CNNM2: variants seen among roughly 807,000 people sequenced by gnomAD.
CNNM2 encodes cyclin and CBS domain divalent metal cation transport mediator 2.
Under a neutral mutation model 66.9 loss-of-function variants are expected in CNNM2, and 12 were observed. That is an observed-to-expected ratio of 0.18 (90% confidence interval 0.11 to 0.29). The LOEUF (loss-of-function observed/expected upper bound fraction) is 0.29, where lower values mean the gene tolerates loss of function less well. CNNM2 is among the 10% of genes least tolerant of loss of function. CNNM2 has a pLI of 1.00. For synonymous variants in CNNM2, 557 were observed against 501.8 expected (o/e 1.11, Z -1.47); for missense variants, 705 against 1,167.7 (o/e 0.60, Z 5.77).
intron 1 of CNNM2, among the ~76,000 whole-genome samples, chr10:103,026,601 C>CAAA (rs887780071): frequency 1.3e-3 from 87 of 64,854 alleles, no homozygotes; most frequent in East Asian, 5.1e-3. Flanking sequence ...ACCTTGTCTT[C>CAAA]AAAAAAAAAA....
At chr10:102,965,023 G>A (rs375001502) in intron 1 of CNNM2, among the ~76,000 whole-genome samples, 3 of 152,178 alleles carry the variant, frequency 2.0e-5, no homozygotes, top group Admixed American at 1.3e-4. Flanking sequence ...AGGATGCAAG[G>A]CGCCATCTTG....
intron 1 of CNNM2, among the ~76,000 whole-genome samples, chr10:103,048,540 C>G (rs183661148): frequency 2.0e-5 from 3 of 148,346 alleles, no homozygotes; most frequent in Admixed American, 2.0e-4. Context: ...CTGTTGAAAG[C>G]TCAAATTTTA....
intron 1 of CNNM2, among the ~76,000 whole-genome samples, chr10:103,022,568 G>A (rs1204570129): frequency 2.0e-5 from 3 of 152,148 alleles, no homozygotes; most frequent in South Asian, 2.1e-4. Flanking sequence ...TTACACCATG[G>A]AAATTGCCAA....
chr10:103,087,081 G>C lies in CNNM2; in HGVS notation c.*9901G>C, dbSNP rs1400064003. On this transcript the variant is annotated 3_prime_UTR_variant, in exon 8 of 8. Transcript: ENST00000369878. ...GCCTATAGTGTTTTCAAAATGCCTG[G>C]GAAAAAATTCTCAAAAGAAGTGGCA... 6.9e-6 allele frequency: 1 copy of C among 145,464 alleles called. No homozygotes were observed. The highest frequency in any genetic ancestry group is 1.5e-5 in the Non-Finnish European group (1 of 66,688). 9.0% of individuals were successfully genotyped at this position (145,464 alleles called of 1,614,324 possible).
Position 102,937,752 on chromosome 10 carries a change from T to G in CNNM2, c.1621+17651T>G, listed in dbSNP as rs368585355. ...CTCAGACAGATAAACAGATGTGATT[T>G]TCTTTCGTTCTTTTTCTGGATGTAT... On this transcript the variant is annotated intron_variant, in intron 1 of 7. Coordinates refer to ENST00000369878, the MANE Select transcript of CNNM2 (RefSeq NM_017649.5). Among the ~76,000 whole-genome samples, 4 of 151,858 alleles carry G rather than the reference T, an allele frequency of 2.6e-5. No individual in the cohort carries two copies. The East Asian group carries it at 7.8e-4, about 30-fold the overall frequency.
chr10:102,944,582 G>A (rs1027747631), intron 1 of CNNM2, among the ~76,000 whole-genome samples: 12 of 2,874 alleles, frequency 4.2e-3, no homozygotes, highest in African/African-American at 9.0e-3. Flanking sequence ...GTATCTTTTC[G>A]TGTGTGTGTG....
At chr10:102,950,399 G>A (rs1190972344) in intron 1 of CNNM2, among the ~76,000 whole-genome samples, 1 of 152,096 alleles carries the variant, frequency 6.6e-6, no homozygotes, top group Non-Finnish European at 1.5e-5. Context: ...TTTCAACTGT[G>A]CATGTATTTT....
chr10:102,970,018 A>G (rs1590328260), intron 1 of CNNM2, among the ~76,000 whole-genome samples: 1 of 151,760 alleles, frequency 6.6e-6, no homozygotes, highest in Non-Finnish European at 1.5e-5. Context: ...TTTATTAGAG[A>G]CTCTTTGCTT....
intron 1 of CNNM2, among the ~76,000 whole-genome samples, chr10:102,970,899 T>TA (rs1297803234): frequency 6.6e-6 from 1 of 152,044 alleles, no homozygotes; most frequent in African/African-American, 2.4e-5. Flanking sequence ...TAGTTAAAGT[T>TA]AGTCTCTGGG....
intron 1 of CNNM2, among the ~76,000 whole-genome samples, chr10:103,004,890 T>G (rs2064195959): frequency 6.6e-6 from 1 of 152,242 alleles, no homozygotes; most frequent in African/African-American, 2.4e-5. Flanking sequence ...TTGGATTGTA[T>G]TGAATCTGTA....
At chr10:102,940,758 G>A (rs928954473) in intron 1 of CNNM2, among the ~76,000 whole-genome samples, 1 of 151,904 alleles carries the variant, frequency 6.6e-6, no homozygotes, top group Non-Finnish European at 1.5e-5. Context: ...GTCTCGTTCT[G>A]TCACCCAGGC....
At chr10:103,020,242 G>C (rs889633124) in intron 1 of CNNM2, among the ~76,000 whole-genome samples, 1 of 151,226 alleles carries the variant, frequency 6.6e-6, no homozygotes, top group Non-Finnish European at 1.5e-5. Flanking sequence ...TGCAACCTCC[G>C]CCTCCTGGGT....
At chr10:102,933,987 C>T (rs1846144999) in intron 1 of CNNM2, among the ~76,000 whole-genome samples, 3 of 150,646 alleles carry the variant, frequency 2.0e-5, no homozygotes, top group South Asian at 2.1e-4. Flanking sequence ...GTTCCTGCCA[C>T]TGTGCCCAGC....
intron 1 of CNNM2, among the ~76,000 whole-genome samples, chr10:103,025,668 T>C (rs2134292814): frequency 6.6e-6 from 1 of 152,328 alleles, no homozygotes; most frequent in East Asian, 1.9e-4. Context: ...TAGTATATCT[T>C]CTCTAAGTTA....
At chr10:102,930,718 T>TC (rs560107056) in intron 1 of CNNM2, among the ~76,000 whole-genome samples, 1 of 152,132 alleles carries the variant, frequency 6.6e-6, no homozygotes, top group African/African-American at 2.4e-5. Context: ...CATTTTCTGT[T>TC]CCCCCTAGTC....
intron 1 of CNNM2, among the ~76,000 whole-genome samples, chr10:102,981,716 T>A (rs533850601): frequency 2.0e-5 from 3 of 152,090 alleles, no homozygotes; most frequent in Non-Finnish European, 2.9e-5. Context: ...TTTTTTTTGA[T>A]CTTGTGTATC....
At position 103,077,635 on chromosome 10, in the gene CNNM2, C is replaced by T. The variant is rs3740389; in HGVS notation, c.*455C>T. On this transcript the variant is annotated 3_prime_UTR_variant, in exon 8 of 8. Transcript: ENST00000369878. Reference sequence around the variant, plus strand: ...CCCTGATGGGCTGGACTTGCCCCTCCGGTAGCCTTCCTTGGCCCTCCCAGC... The same window carrying T: ...CCCTGATGGGCTGGACTTGCCCCTCTGGTAGCCTTCCTTGGCCCTCCCAGC... The T allele has an allele frequency of 1.4e-4, 22 of 159,692 alleles. No homozygotes were observed. In the East Asian group the frequency reaches 3.5e-3, roughly 26 times the overall value. The allele number at this position is 159,692 out of a possible 1,614,324, so 9.9% of individuals were successfully genotyped here.
chr10:103,062,302 C>T (rs1044013886), intron 4 of CNNM2, among the ~76,000 whole-genome samples: 1 of 152,088 alleles, frequency 6.6e-6, no homozygotes, highest in African/African-American at 2.4e-5. Flanking sequence ...ATTTATACAG[C>T]CCTTGAAATA....
At chr10:103,007,423 A>G (rs2134264973) in intron 1 of CNNM2, among the ~76,000 whole-genome samples, 1 of 152,282 alleles carries the variant, frequency 6.6e-6, no homozygotes, top group East Asian at 1.9e-4. Context: ...TTCCCACCCT[A>G]ATAATCCTGA....
Sources: gnomAD v4.1 joint callset for allele counts (sites outside exome capture counted in the v4.1 genomes callset) on GRCh38, gnomAD v4.1.1 for gene constraint, MANE v1.5 for transcripts, NCBI Gene and HGNC (gene_info 2026-07-23, HGNC 2026-07-21) for gene names.